Variants in SMYD3 observed in about 807,000 individuals in gnomAD.
SMYD3 encodes histone-lysine N-methyltransferase SMYD3.
In SMYD3, 36 loss-of-function variants were observed where a neutral mutation model predicts 57.7. The ratio of observed to expected loss-of-function variants is 0.62; its 90% CI spans 0.48 to 0.82. SMYD3 has a LOEUF of 0.82. SMYD3 is among the 40% of genes least tolerant of loss of function. The pLI, the probability that SMYD3 is intolerant of heterozygous loss-of-function variation, is 0.00. For synonymous variants in SMYD3, 211 were observed against 195.0 expected (o/e 1.08, Z -0.68); for missense variants, 515 against 538.8 (o/e 0.96, Z 0.44).
chr1:246,288,301 G>A (rs1465208763), intron 5 of SMYD3, among the ~76,000 whole-genome samples: 1 of 151,582 alleles, frequency 6.6e-6, no homozygotes, highest in East Asian at 1.9e-4. Context: ...CTTGAACTCC[G>A]CCATCAGGTA....
rs534305833 is a variant in SMYD3 at position 245,761,786 on chromosome 1, C to CTTTTTTTTTTT, written c.1185+2244_1185+2254dup. On this transcript the variant is annotated intron_variant, in intron 11 of 11. Coordinates refer to ENST00000490107, the MANE Select transcript of SMYD3 (RefSeq NM_001167740.2). ...TTAAATTGTACACACCATATTGAGT[C>CTTTTTTTTTTT]TTTTTTTTTTTTTTTTTTTGAGACA... Among the ~76,000 whole-genome samples the CTTTTTTTTTTT allele has an allele frequency of 1.0e-4, 12 of 115,730 alleles. 1 individual carries two copies. Among genetic ancestry groups the CTTTTTTTTTTT allele is most frequent in the African/African-American group, 4.1e-4 (11 of 26,904 alleles). 75.9% of individuals were successfully genotyped at this position (115,730 alleles called of 152,430 possible). A position where few individuals can be genotyped will look rare whatever the true frequency, so the allele number is the denominator to read the frequency against.
At chr1:246,081,395 T>C (rs1332143403) in intron 5 of SMYD3, among the ~76,000 whole-genome samples, 2 of 151,530 alleles carry the variant, frequency 1.3e-5, no homozygotes, top group Non-Finnish European at 2.9e-5. Flanking sequence ...CTAGTTTTTC[T>C]TTTTTTCTTT....
At position 246,059,471 on chromosome 1, in the gene SMYD3, G is replaced by A. The variant is rs546436501; in HGVS notation, c.532-129534C>T. Among the ~76,000 whole-genome samples, 5 of 152,158 alleles carry A rather than the reference G, an allele frequency of 3.3e-5. No individual in the cohort carries two copies. The East Asian group carries it at 9.7e-4, about 29-fold the overall frequency. On this transcript the variant is annotated intron_variant, in intron 5 of 11. Coordinates refer to ENST00000490107, the MANE Select transcript of SMYD3 (RefSeq NM_001167740.2). Reference sequence around the variant, plus strand: ...CAACTGGAGGTGTTTTGTCTCTCTCGACTCCACTGGCACTAGGACCTTTTT... The same window carrying A: ...CAACTGGAGGTGTTTTGTCTCTCTCAACTCCACTGGCACTAGGACCTTTTT...
chr1:246,316,554 T>C (rs561598401), intron 5 of SMYD3, among the ~76,000 whole-genome samples: 31 of 146,406 alleles, frequency 2.1e-4, no homozygotes, highest in Non-Finnish European at 3.3e-4. Flanking sequence ...TTTTTTTTTT[T>C]TTTTTTTGTA....
chr1:246,450,837 AATTAAT>A (rs2103028895), intron 1 of SMYD3, among the ~76,000 whole-genome samples: 1 of 152,364 alleles, frequency 6.6e-6, no homozygotes, highest in South Asian at 2.1e-4. Context: ...CATTCCAGTG[AATTAAT>A]ATAAACGTAT....
intron 5 of SMYD3, among the ~76,000 whole-genome samples, chr1:246,201,883 C>G (rs958399121): frequency 2.6e-5 from 4 of 151,870 alleles, no homozygotes; most frequent in Non-Finnish European, 5.9e-5. Flanking sequence ...CGTGGTGGCT[C>G]ATGCCTATAA....
intron 5 of SMYD3, among the ~76,000 whole-genome samples, chr1:246,294,608 T>C (rs1039364451): frequency 6.6e-6 from 1 of 151,698 alleles, no homozygotes; most frequent in Non-Finnish European, 1.5e-5. Context: ...AAGCTTCCTT[T>C]TTTTTTTTAA....
chr1:246,262,418 C>CAT (rs2064029116), intron 5 of SMYD3, among the ~76,000 whole-genome samples: 1 of 152,210 alleles, frequency 6.6e-6, no homozygotes, highest in Non-Finnish European at 1.5e-5. Context: ...CAGTTCTGGA[C>CAT]ATATTCCCAT....
chr1:246,399,841 AT>A (rs2066738870), intron 1 of SMYD3, among the ~76,000 whole-genome samples: 1 of 152,214 alleles, frequency 6.6e-6, no homozygotes, highest in South Asian at 2.1e-4. Context: ...TGGCTTTCAA[AT>A]TATTTGTATT....
chr1:246,319,064 A>T (rs2065207794), intron 5 of SMYD3, among the ~76,000 whole-genome samples: 1 of 152,254 alleles, frequency 6.6e-6, no homozygotes, highest in African/African-American at 2.4e-5. Context: ...CTTTATTTGA[A>T]GGTAGAGAAA....
At chr1:246,176,299 T>A (rs935797342) in intron 5 of SMYD3, among the ~76,000 whole-genome samples, 3 of 152,210 alleles carry the variant, frequency 2.0e-5, no homozygotes, top group Non-Finnish European at 4.4e-5. Context: ...AGGCCATTCC[T>A]ACATCCATTC....
chr1:246,503,705 G>A (rs918481364), intron 1 of SMYD3, among the ~76,000 whole-genome samples: 2 of 152,210 alleles, frequency 1.3e-5, no homozygotes, highest in Non-Finnish European at 1.5e-5. Flanking sequence ...GCTCACGCCT[G>A]TAATCCCAGC....
chr1:246,266,627 A>G (rs1357979854), intron 5 of SMYD3, among the ~76,000 whole-genome samples: 1 of 152,104 alleles, frequency 6.6e-6, no homozygotes, highest in South Asian at 2.1e-4. Context: ...TGAAACAGTA[A>G]TGAGAAATAC....
At chr1:245,815,217 G>GA (rs1271640231) in intron 10 of SMYD3, among the ~76,000 whole-genome samples, 8 of 152,260 alleles carry the variant, frequency 5.3e-5, no homozygotes, top group South Asian at 2.1e-4. Context: ...ATCCCAACCA[G>GA]AAAAAAACAC....
intron 5 of SMYD3, among the ~76,000 whole-genome samples, chr1:246,317,743 T>A (rs909259985): frequency 2.0e-5 from 3 of 152,162 alleles, no homozygotes; most frequent in Non-Finnish European, 2.9e-5. Flanking sequence ...TATATATAAT[T>A]TTTATTTGCC....
chr1:246,434,701 A>G (rs1445399280), intron 1 of SMYD3, among the ~76,000 whole-genome samples: 1 of 152,248 alleles, frequency 6.6e-6, no homozygotes, highest in African/African-American at 2.4e-5. Context: ...GTTAGTGGGA[A>G]TGTAACCTAG....
Position 246,273,573 on chromosome 1 carries a change from A to ATTT in SMYD3, c.531+53627_531+53628insAAA, listed in dbSNP as rs1368718504. Among the ~76,000 whole-genome samples, 3 of 97,226 alleles carry ATTT rather than the reference A, an allele frequency of 3.1e-5. No individual in the cohort carries two copies. The East Asian group carries it at 1.7e-3, about 54-fold the overall frequency. 63.8% of individuals were successfully genotyped at this position (97,226 alleles called of 152,430 possible). A position where few individuals can be genotyped will look rare whatever the true frequency, so the allele number is the denominator to read the frequency against. On this transcript the variant is annotated intron_variant, in intron 5 of 11. Coordinates refer to ENST00000490107, the MANE Select transcript of SMYD3 (RefSeq NM_001167740.2). ...AAGAACGCAGCTTTTGGTTTCACTA[A>ATTT]TCTTTTTTTTTTTTTTTTTTTTTTT...
rs538998497 is a variant in SMYD3 at position 246,276,543 on chromosome 1, CA to C, written c.531+50657del. Among the ~76,000 whole-genome samples, 121 of 150,490 alleles carry C rather than the reference CA, an allele frequency of 8.0e-4. 1 individual carries two copies. The highest frequency in any genetic ancestry group is 2.9e-3 in the African/African-American group (120 of 40,732). ...TTTTTACTAGCCGTATTAACACTGG[CA>C]AGTTATTTAATGTTTCTAGTGGAGT... On this transcript the variant is annotated intron_variant, in intron 5 of 11. Transcript: ENST00000490107.
chr1:246,494,346 A>AC (rs1196479240), intron 1 of SMYD3, among the ~76,000 whole-genome samples: 2 of 152,068 alleles, frequency 1.3e-5, no homozygotes, highest in African/African-American at 4.8e-5. Flanking sequence ...CACTTATTTC[A>AC]CTGGTATCAT....
Sources: allele counts gnomAD v4.1 joint callset (sites outside exome capture counted in the v4.1 genomes callset), GRCh38; gene constraint gnomAD v4.1.1; transcripts MANE v1.5; gene names NCBI Gene and HGNC (gene_info 2026-07-23, HGNC 2026-07-21).